The following ALMS1 variants were observed in gnomAD, a reference collection of about 807,000 sequenced individuals.
ALMS1 encodes the protein ALMS1 centrosome and basal body associated protein.
A neutral mutation model predicts 352.2 loss-of-function variants in ALMS1; 271 were observed. The ratio of observed to expected loss-of-function variants is 0.77; its 90% CI spans 0.70 to 0.85. ALMS1 has a LOEUF of 0.85. ALMS1 is among the 40% of genes least tolerant of loss of function. The pLI, the probability that ALMS1 is intolerant of heterozygous loss-of-function variation, is 0.00. For synonymous variants in ALMS1, 1,865 were observed against 1,761.2 expected (o/e 1.06, Z -1.48); for missense variants, 5,445 against 4,870.7 (o/e 1.12, Z -3.51).
intron 15 of ALMS1, among the ~76,000 whole-genome samples, chr2:73,564,710 A>G (rs1422593531): frequency 6.6e-6 from 1 of 152,190 alleles, no homozygotes; most frequent in Non-Finnish European, 1.5e-5. Flanking sequence ...CCCGCCCATA[A>G]TGAAAAATGT....
Position 73,491,063 on chromosome 2 carries a change from C to T in ALMS1, c.9104C>T (p.Ser3035Phe). Residue 3035 changes from serine to phenylalanine, a missense_variant, in exon 10 of 23, where the codon TCT becomes TTT. Transcript: ENST00000613296. ...PNHCTLAASA[S>F]TPPSNRKALS... ...CACTGTACATTAGCAGCATCTGCAT[C>T]TACTCCTCCTTCAAATAGAAAAGCA... 1.2e-6 allele frequency: 2 copies of T among 1,614,228 alleles called. No homozygotes were observed. Among genetic ancestry groups the T allele is most frequent in the Non-Finnish European group, 1.7e-6 (2 of 1,180,030 alleles).
intron 3 of ALMS1, among the ~76,000 whole-genome samples, chr2:73,421,474 C>T (rs1218155821): frequency 6.6e-6 from 1 of 152,118 alleles, no homozygotes; most frequent in African/African-American, 2.4e-5. Context: ...AAGACTGCTT[C>T]TCTGTGCCAA....
chr2:73,474,403 G>C (rs13420078), intron 9 of ALMS1, among the ~76,000 whole-genome samples: 3,982 of 99,354 alleles, frequency 0.04, 267 homozygotes, highest in African/African-American at 0.12. Context: ...GTGTGTGTGT[G>C]TGTGTGTCTA....
Position 73,385,946 on chromosome 2 carries a change from G to A in ALMS1, c.78G>A (p.Glu26=), listed in dbSNP as rs13009604. ...EEEEEEEEEE[E]EEAAAAAAAN... Reference sequence around the variant, plus strand: ...AGGAGGAGGAGGAGGAGGAGGAAGAGGAGGAGGCTGCAGCGGCGGCGGCGG... The same window carrying A: ...AGGAGGAGGAGGAGGAGGAGGAAGAAGAGGAGGCTGCAGCGGCGGCGGCGG... Residue 26 remains glutamate (E), a synonymous_variant, in exon 1 of 23, where the codon GAG becomes GAA. Coordinates refer to ENST00000613296, the MANE Select transcript of ALMS1 (RefSeq NM_001378454.1). The A allele has an allele frequency of 8.9e-5, 101 of 1,132,882 alleles. No homozygotes were observed. The highest frequency in any genetic ancestry group is 1.1e-4 in the Non-Finnish European group (88 of 774,408). 70.2% of individuals were successfully genotyped at this position (1,132,882 alleles called of 1,614,324 possible).
intron 9 of ALMS1, chr2:73,456,767 G>A (rs552359823): frequency 1.3e-5 from 2 of 152,272 alleles, no homozygotes; most frequent in South Asian, 2.1e-4. Flanking sequence ...AATAAAATGG[G>A]CAATTGGTTG....
At chr2:73,437,476 T>C (rs573126949) in intron 7 of ALMS1, among the ~76,000 whole-genome samples, 1 of 152,258 alleles carries the variant, frequency 6.6e-6, no homozygotes, top group South Asian at 2.1e-4. Flanking sequence ...GTAGGTTGCT[T>C]CTTGTGTTGT....
rs75745254 is a variant in ALMS1, at chr2:73,597,937, T to C, written c.11548-1464T>C. ...GAGGCCCTCTCTCTGATGAGTATTG[T>C]ATGTAAATTCTCCTGCTTTCCATAT... On this transcript the variant is annotated intron_variant, in intron 16 of 22. Coordinates refer to ENST00000613296, the MANE Select transcript of ALMS1 (RefSeq NM_001378454.1). Among the ~76,000 whole-genome samples, 1,514 of 152,324 alleles carry C rather than the reference T, an allele frequency of 9.9e-3. 30 individuals are homozygous for C. Among genetic ancestry groups the C allele is most frequent in the African/African-American group, 0.034 (1,420 of 41,550 alleles).
rs1457812178 is a variant in ALMS1 at position 73,608,578 on chromosome 2, A to G, written c.12462+4A>G. 1.2e-6 allele frequency: 2 copies of G among 1,608,694 alleles called. No homozygotes were observed. The highest frequency in any genetic ancestry group is 1.7e-6 in the Non-Finnish European group (2 of 1,175,144). ...GCGAGCCCAGCTATATAAAAAGGTC[A>G]GTGGGTCCTCTGTCTAGAGTGGGAT... On this transcript the variant is annotated splice_donor_region_variant and intron_variant, in intron 22 of 22. Coordinates refer to ENST00000613296, the MANE Select transcript of ALMS1 (RefSeq NM_001378454.1).
chr2:73,402,731 A>G (rs13388550), intron 1 of ALMS1, among the ~76,000 whole-genome samples: 1 of 152,322 alleles, frequency 6.6e-6, no homozygotes, highest in African/African-American at 2.4e-5. Context: ...AACAAGTGTG[A>G]GATGATATTT....
intron 9 of ALMS1, among the ~76,000 whole-genome samples, chr2:73,465,677 A>T (rs1171509062): frequency 3.3e-5 from 5 of 151,820 alleles, no homozygotes; most frequent in Non-Finnish European, 5.9e-5. Flanking sequence ...ACAGCAAAAG[A>T]AACTACCATC....
chr2:73,519,439 T>A (rs903995293), intron 10 of ALMS1, among the ~76,000 whole-genome samples: 1 of 152,204 alleles, frequency 6.6e-6, no homozygotes, highest in African/African-American at 2.4e-5. Flanking sequence ...CTGTGTGTAT[T>A]TAGCACAGTC....
chr2:73,453,360 A>C lies in ALMS1; in HGVS notation c.6833A>C (p.Asn2278Thr), dbSNP rs767464740. The change falls in exon 8 of 23, where the codon AAT (asparagine) becomes ACT (threonine). Residue 2278 changes from asparagine (N) to threonine (T), a missense_variant. Coordinates refer to ENST00000613296, the MANE Select transcript of ALMS1 (RefSeq NM_001378454.1). ...EAENMALKRC[N>T]FPAPLARFRD... Reference sequence around the variant, plus strand: ...GAAAATATGGCACTGAAACGATGCAATTTTCCTGCTCCCCTTGCCCGTTTC... The same window carrying C: ...GAAAATATGGCACTGAAACGATGCACTTTTCCTGCTCCCCTTGCCCGTTTC... The C allele has an allele frequency of 6.2e-7, 1 of 1,613,692 alleles. No individual in the cohort carries two copies. Among genetic ancestry groups the C allele is most frequent in the African/African-American group, 1.3e-5 (1 of 74,856 alleles).
chr2:73,408,754 C>G lies in ALMS1; in HGVS notation c.450+7C>G. On this transcript the variant is annotated splice_region_variant and intron_variant, in intron 2 of 22. Coordinates refer to ENST00000613296, the MANE Select transcript of ALMS1 (RefSeq NM_001378454.1). ...GGGTTCTGGGGATGATCAGGTATGT[C>G]TTCTGTAACTGGCTAACTTTTTTTT... The G allele has an allele frequency of 1.9e-6, 3 of 1,591,976 alleles. No individual in the cohort carries two copies. Among genetic ancestry groups the G allele is most frequent in the East Asian group, 4.6e-5 (2 of 43,376 alleles).
chr2:73,551,098 G>C (rs949710485), intron 13 of ALMS1, among the ~76,000 whole-genome samples: 1 of 152,076 alleles, frequency 6.6e-6, no homozygotes, highest in Non-Finnish European at 1.5e-5. Flanking sequence ...GCCTCAAGCT[G>C]TCTACCAGCC....
At chr2:73,586,177 G>A (rs1280329823) in intron 16 of ALMS1, among the ~76,000 whole-genome samples, 2 of 152,144 alleles carry the variant, frequency 1.3e-5, no homozygotes, top group East Asian at 1.9e-4. Context: ...ATATTAGTCC[G>A]TTGTCGGATG....
chr2:73,536,065 A>T (rs1259186928), intron 12 of ALMS1, among the ~76,000 whole-genome samples: 6 of 152,206 alleles, frequency 3.9e-5, no homozygotes, highest in Non-Finnish European at 8.8e-5. Flanking sequence ...ACAAGTTAAG[A>T]TTGTTAAGTT....
intron 7 of ALMS1, among the ~76,000 whole-genome samples, chr2:73,435,213 T>A (rs1671583207): frequency 6.6e-6 from 1 of 152,200 alleles, no homozygotes; most frequent in African/African-American, 2.4e-5. Flanking sequence ...TTTTGCCTTG[T>A]GATGTGATTA....
intron 5 of ALMS1, among the ~76,000 whole-genome samples, chr2:73,425,831 A>G (rs1671366711): frequency 2.0e-5 from 3 of 152,198 alleles, no homozygotes. Flanking sequence ...AAGGGTAATA[A>G]TGATAGCTTC....
chr2:73,421,487 C>T lies in ALMS1; in HGVS notation c.647-1370C>T, dbSNP rs150364940. Among the ~76,000 whole-genome samples the T allele has an allele frequency of 2.0e-3, 303 of 152,224 alleles. 1 individual carries two copies. Among genetic ancestry groups the T allele is most frequent in the African/African-American group, 6.9e-3 (288 of 41,554 alleles). On this transcript the variant is annotated intron_variant, in intron 3 of 22. Transcript: ENST00000613296. ...TTAAGACTGCTTCTCTGTGCCAAGA[C>T]CAAAGAGGAACTGTACCAATTGTTC... is the stretch of plus-strand genomic sequence containing the variant.
Sources: allele counts gnomAD v4.1 joint callset (sites outside exome capture counted in the v4.1 genomes callset), GRCh38; gene constraint gnomAD v4.1.1; transcripts MANE v1.5; gene names NCBI Gene and HGNC (gene_info 2026-07-23, HGNC 2026-07-21).